The following METAP1D variants were observed in gnomAD, a reference collection of about 807,000 sequenced individuals.
METAP1D encodes the protein methionyl aminopeptidase type 1D, mitochondrial, also known as methionine aminopeptidase 1D, mitochondrial.
A neutral mutation model predicts 40.5 loss-of-function variants in METAP1D; 31 were observed. The ratio of observed to expected loss-of-function variants is 0.77; its 90% confidence interval spans 0.58 to 1.03. METAP1D has a LOEUF of 1.03. METAP1D is among the 50% of genes least tolerant of loss of function. The probability of loss-of-function intolerance (pLI) is 0.00; values close to 1 mark genes in which losing one functional copy is unlikely to be tolerated. For synonymous variants in METAP1D, 151 were observed against 146.4 expected (o/e 1.03, Z -0.22); for missense variants, 411 against 420.7 (o/e 0.98, Z 0.20).
In METAP1D at chr2:172,001,167, C is replaced by T. The variant is rs570892176; in HGVS notation, c.40+1158C>T. Among the ~76,000 whole-genome samples the T allele has an allele frequency of 2.6e-5, 4 of 151,876 alleles. No individual in the cohort carries two copies. The East Asian group carries it at 7.7e-4, about 29-fold the overall frequency. On this transcript the variant is annotated intron_variant, in intron 1 of 9. Coordinates refer to ENST00000315796, the MANE Select transcript of METAP1D (RefSeq NM_199227.3). Reference sequence around the variant, plus strand: ...ATTTTTTTTTTTAAGACTCATTTCTCGGTACTGCATGACGTGGTCACTCCA... The same window carrying T: ...ATTTTTTTTTTTAAGACTCATTTCTTGGTACTGCATGACGTGGTCACTCCA...
chr2:172,059,896 A>C (rs1359557978), intron 1 of METAP1D, among the ~76,000 whole-genome samples: 1 of 151,992 alleles, frequency 6.6e-6, no homozygotes, highest in Non-Finnish European at 1.5e-5. Context: ...TAAAAATACA[A>C]AAAAATTAGC....
At chr2:172,061,016 A>C (rs544404947) in intron 1 of METAP1D, among the ~76,000 whole-genome samples, 6 of 152,230 alleles carry the variant, frequency 3.9e-5, no homozygotes, top group African/African-American at 1.2e-4. Flanking sequence ...AATGAATTTC[A>C]GTATAATGCC....
chr2:172,064,023 TG>T, intron 3 of METAP1D, 163 bp downstream of exon 3: 1 of 841,518 alleles, frequency 1.2e-6, no homozygotes, highest in Admixed American at 4.1e-5. Context: ...AGCCTTGGGA[TG>T]GGGAAAAGGA....
chr2:172,037,829 G>A (rs928674491), intron 1 of METAP1D, among the ~76,000 whole-genome samples: 29 of 152,322 alleles, frequency 1.9e-4, no homozygotes, highest in African/African-American at 7.0e-4. Context: ...TTGACATGTT[G>A]TTTCTGGTGC....
chr2:172,050,589 G>T (rs899724610), intron 1 of METAP1D, among the ~76,000 whole-genome samples: 4 of 152,098 alleles, frequency 2.6e-5, no homozygotes, highest in African/African-American at 7.2e-5. Context: ...AGTGTGTGAG[G>T]TAACAGGAAT....
Position 172,000,023 on chromosome 2 carries a change from G to A in METAP1D, c.40+14G>A. ...TCGTCCGCAGAGGTAAGCGCGTGGA[G>A]GAGAGCCCCGTGAGGGTTCGCACGG... On this transcript the variant is annotated intron_variant, in intron 1 of 9. Transcript: ENST00000315796. 7.6e-7 allele frequency: 1 copy of A among 1,316,796 alleles called. No homozygotes were observed. Among genetic ancestry groups the A allele is most frequent in the Non-Finnish European group, 9.8e-7 (1 of 1,023,096 alleles). 81.6% of individuals were successfully genotyped at this position (1,316,796 alleles called of 1,614,324 possible). A position where few individuals can be genotyped will look rare whatever the true frequency, so the allele number is the denominator to read the frequency against.
chr2:172,050,373 G>A (rs1689861462), intron 1 of METAP1D, among the ~76,000 whole-genome samples: 1 of 151,950 alleles, frequency 6.6e-6, no homozygotes, highest in South Asian at 2.1e-4. Context: ...TATGACAGTA[G>A]TATTTATGAA....
intron 1 of METAP1D, among the ~76,000 whole-genome samples, chr2:172,012,252 ACTC>A (rs973193181): frequency 1.8e-4 from 27 of 151,176 alleles, no homozygotes; most frequent in Admixed American, 8.5e-4. Context: ...TCAAAGGACA[ACTC>A]CTCTCTGTGG....
chr2:172,070,854 G>A (rs781305056), intron 5 of METAP1D, 53 bp from the exon 6 acceptor site: 166 of 1,458,840 alleles, frequency 1.1e-4, no homozygotes, highest in Non-Finnish European at 1.5e-4. Flanking sequence ...GTATACTTTA[G>A]GAAAGTAGAT....
intron 1 of METAP1D, among the ~76,000 whole-genome samples, chr2:172,020,940 A>G (rs1320356566): frequency 6.6e-6 from 1 of 152,208 alleles, no homozygotes; most frequent in Non-Finnish European, 1.5e-5. Flanking sequence ...CATTATGTCA[A>G]TAGGAATGAA....
At chr2:172,077,687 A>G (rs964657962) in intron 6 of METAP1D, 110 bp from the exon 7 acceptor site, 17 of 565,500 alleles carry the variant, frequency 3.0e-5, no homozygotes, top group Non-Finnish European at 4.4e-5. Flanking sequence ...GACTCTAAAT[A>G]TTACTGACTT....
At chr2:172,013,201 G>A (rs1688768997) in intron 1 of METAP1D, among the ~76,000 whole-genome samples, 1 of 152,224 alleles carries the variant, frequency 6.6e-6, no homozygotes, top group Non-Finnish European at 1.5e-5. Context: ...CGCTCCGGCT[G>A]TCGAGCAGCA....
At chr2:172,037,857 G>A (rs1043173938) in intron 1 of METAP1D, among the ~76,000 whole-genome samples, 4 of 152,210 alleles carry the variant, frequency 2.6e-5, no homozygotes, top group South Asian at 2.1e-4. Context: ...TAGGAAAGCA[G>A]GGTTGCTTGA....
rs1273069042 is a variant in METAP1D, at chr2:172,041,726, T to TTTTATA, written c.41-19771_41-19770insTTATAT. Among the ~76,000 whole-genome samples, 7 of 37,570 alleles carry TTTTATA rather than the reference T, an allele frequency of 1.9e-4. 2 individuals carry two copies. The highest frequency in any genetic ancestry group is 3.8e-4 in the Admixed American group (1 of 2,614). The allele number at this position is 37,570 out of a possible 152,430, so 24.6% of individuals were successfully genotyped here. On this transcript the variant is annotated intron_variant, in intron 1 of 9. Coordinates refer to ENST00000315796, the MANE Select transcript of METAP1D (RefSeq NM_199227.3). ...TTTTAATTTCCTTACTCTAATTATT[T>TTTTATA]TATATATATATATATATATATATAT...
Position 172,079,362 on chromosome 2 carries a change from T to C in METAP1D, c.850+100T>C, listed in dbSNP as rs1690640532. 2.8e-6 allele frequency: 3 copies of C among 1,063,960 alleles called. No individual in the cohort carries two copies. The East Asian group carries it at 7.1e-5, about 25-fold the overall frequency. 65.9% of individuals were successfully genotyped at this position (1,063,960 alleles called of 1,614,324 possible). A position where few individuals can be genotyped will look rare whatever the true frequency, so the allele number is the denominator to read the frequency against. ...TCCGGTGAAGGACCAATAAAGCCAA[T>C]CAGTGTAATGAAATAATTCGGATGC... is the stretch of plus-strand genomic sequence containing the variant. On this transcript the variant is annotated intron_variant, in intron 8 of 9. Transcript: ENST00000315796.
At chr2:172,010,142 C>CTT (rs570964028) in intron 1 of METAP1D, among the ~76,000 whole-genome samples, 10 of 134,362 alleles carry the variant, frequency 7.4e-5, no homozygotes, top group African/African-American at 1.1e-4. Flanking sequence ...TTTGTCCCTT[C>CTT]TTTTTTTTTT....
At chr2:172,069,266 T>A (rs186077410) in intron 5 of METAP1D, among the ~76,000 whole-genome samples, 2 of 152,228 alleles carry the variant, frequency 1.3e-5, no homozygotes, top group Non-Finnish European at 2.9e-5. Flanking sequence ...GAATAAAGAT[T>A]TTTTAAAATA....
In METAP1D at chr2:172,081,143, C is replaced by G. The variant is rs1690702787; in HGVS notation, c.*737C>G. 1 of 153,026 alleles carries G rather than the reference C, an allele frequency of 6.5e-6. No individual in the cohort carries two copies. The highest frequency in any genetic ancestry group is 1.5e-5 in the Non-Finnish European group (1 of 68,756). 9.5% of individuals were successfully genotyped at this position (153,026 alleles called of 1,614,324 possible). A position where few individuals can be genotyped will look rare whatever the true frequency, so the allele number is the denominator to read the frequency against. On this transcript the variant is annotated 3_prime_UTR_variant, in exon 10 of 10. Transcript: ENST00000315796. ...CCACATCCAGCCCTCCAAGGCCAGT[C>G]CAGAGGTGAAGTTTGAGGCCCTCCC...
At chr2:172,073,483 A>G (rs1690472261) in intron 6 of METAP1D, among the ~76,000 whole-genome samples, 1 of 152,180 alleles carries the variant, frequency 6.6e-6, no homozygotes, top group African/African-American at 2.4e-5. Flanking sequence ...ATGAATTTGC[A>G]TGTACAAGCT....
Sources: allele counts gnomAD v4.1 joint callset (sites outside exome capture counted in the v4.1 genomes callset), GRCh38; gene constraint gnomAD v4.1.1; transcripts MANE v1.5; gene names NCBI Gene and HGNC (gene_info 2026-07-23, HGNC 2026-07-21).